The following HSD17B12 variants were observed in gnomAD, a reference collection of about 807,000 sequenced individuals.
The protein encoded by HSD17B12 is hydroxysteroid 17-beta dehydrogenase 12.
Under a neutral mutation model 39.3 loss-of-function variants are expected in HSD17B12, and 32 were observed. The observed-to-expected ratio is 0.81, with a 90% CI of 0.61 to 1.09. The LOEUF is 1.09. Ranked by LOEUF, HSD17B12 falls within the 50% of genes least tolerant of loss-of-function variation. The probability of loss-of-function intolerance (pLI) is 0.00; values close to 1 mark genes in which losing one functional copy is unlikely to be tolerated. For synonymous variants in HSD17B12, 150 were observed against 146.7 expected (o/e 1.02, Z -0.16); for missense variants, 342 against 382.9 (o/e 0.89, Z 0.89).
chr11:43,755,149 G>A (rs1950497842), intron 3 of HSD17B12: 2 of 312,488 alleles, frequency 6.4e-6, no homozygotes, highest in African/African-American at 2.1e-5. Flanking sequence ...TCTGTAAAAT[G>A]ATGAACTATT....
the HSD17B12 span, among the ~76,000 whole-genome samples, chr11:43,603,533 C>T: frequency 6.6e-6 from 1 of 152,070 alleles, no homozygotes; most frequent in Non-Finnish European, 1.5e-5. Context: ...CAGAAGGAGA[C>T]ATGTATGTGC....
chr11:43,630,784 A>G, the HSD17B12 span, among the ~76,000 whole-genome samples: 2 of 151,584 alleles, frequency 1.3e-5, no homozygotes, highest in South Asian at 4.2e-4. Flanking sequence ...AGGTCTTAAT[A>G]GCTTAATAAT....
At chr11:43,786,672 G>A (rs1485714971) in intron 3 of HSD17B12, among the ~76,000 whole-genome samples, 2 of 152,178 alleles carry the variant, frequency 1.3e-5, no homozygotes, top group Non-Finnish European at 2.9e-5. Context: ...CCTGGTTTGA[G>A]ATTATTTCAA....
At chr11:43,719,506 A>T (rs1408510455) in intron 1 of HSD17B12, among the ~76,000 whole-genome samples, 7 of 152,006 alleles carry the variant, frequency 4.6e-5, no homozygotes, top group Admixed American at 4.6e-4. Flanking sequence ...TCAGGCGAGT[A>T]TGGGTTGGCT....
chr11:43,567,489 G>A, the HSD17B12 span, among the ~76,000 whole-genome samples: 3 of 152,220 alleles, frequency 2.0e-5, no homozygotes, highest in African/African-American at 7.2e-5. Context: ...ATTTCTAGTG[G>A]AGAAAAAGCC....
At chr11:43,637,411 G>T in the HSD17B12 span, among the ~76,000 whole-genome samples, 1 of 151,970 alleles carries the variant, frequency 6.6e-6, no homozygotes, top group East Asian at 1.9e-4. Context: ...AGTAGAGCTG[G>T]TATTTCACCA....
intron 1 of HSD17B12, among the ~76,000 whole-genome samples, chr11:43,746,369 T>G (rs1183205461): frequency 1.3e-5 from 2 of 152,210 alleles, no homozygotes. Context: ...AAATTTTATT[T>G]TTTACTTTTT....
chr11:43,721,534 G>T (rs915231000), intron 1 of HSD17B12, among the ~76,000 whole-genome samples: 1 of 151,970 alleles, frequency 6.6e-6, no homozygotes, highest in Non-Finnish European at 1.5e-5. Flanking sequence ...CAGGAGAATC[G>T]CTTGAACCTG....
intron 1 of HSD17B12, among the ~76,000 whole-genome samples, chr11:43,741,757 G>A (rs1344844168): frequency 8.1e-5 from 11 of 135,832 alleles, no homozygotes; most frequent in African/African-American, 3.0e-4. Flanking sequence ...TTTTTGAGAC[G>A]GGGTCTCGCT....
At chr11:43,580,650 T>G in the HSD17B12 span, among the ~76,000 whole-genome samples, 1 of 151,914 alleles carries the variant, frequency 6.6e-6, no homozygotes, top group African/African-American at 2.4e-5. Flanking sequence ...GTCGCTCTCT[T>G]AAACCTCTCT....
At chr11:43,746,178 C>T (rs992083408) in intron 1 of HSD17B12, among the ~76,000 whole-genome samples, 1 of 152,090 alleles carries the variant, frequency 6.6e-6, no homozygotes, top group Admixed American at 6.5e-5. Context: ...AATACTTGGG[C>T]TATACTGAAT....
At chr11:43,658,681 G>T in the HSD17B12 span, among the ~76,000 whole-genome samples, 3 of 152,230 alleles carry the variant, frequency 2.0e-5, no homozygotes, top group Non-Finnish European at 2.9e-5. Context: ...TTTCCTGGGT[G>T]TCAGCAGCGG....
the HSD17B12 span, among the ~76,000 whole-genome samples, chr11:43,663,365 A>G: frequency 6.6e-6 from 1 of 152,062 alleles, no homozygotes; most frequent in East Asian, 1.9e-4. Flanking sequence ...CTCCCAGAGT[A>G]TTGAGATTAC....
chr11:43,782,032 A>G (rs182403803), intron 3 of HSD17B12, among the ~76,000 whole-genome samples: 16 of 152,338 alleles, frequency 1.1e-4, no homozygotes, highest in African/African-American at 3.6e-4. Flanking sequence ...CTACTTTTCA[A>G]TATGCATTTG....
At chr11:43,663,093 T>A in the HSD17B12 span, among the ~76,000 whole-genome samples, 1 of 152,114 alleles carries the variant, frequency 6.6e-6, no homozygotes, top group African/African-American at 2.4e-5. Flanking sequence ...TTAATTTTTA[T>A]TTTTTTGAGA....
intron 1 of HSD17B12, among the ~76,000 whole-genome samples, chr11:43,693,920 G>A (rs534125576): frequency 5.3e-5 from 8 of 152,140 alleles, no homozygotes; most frequent in Non-Finnish European, 7.4e-5. Flanking sequence ...TAATTTTGCC[G>A]TGGAACAGGA....
chr11:43,729,692 A>T (rs1950251317), intron 1 of HSD17B12, among the ~76,000 whole-genome samples: 1 of 152,240 alleles, frequency 6.6e-6, no homozygotes, highest in Non-Finnish European at 1.5e-5. Context: ...TGAAGCTCAC[A>T]GTCATGCTGT....
chr11:43,780,565 G>T (rs572961813), intron 3 of HSD17B12, among the ~76,000 whole-genome samples: 31 of 152,096 alleles, frequency 2.0e-4, no homozygotes, highest in Admixed American at 4.6e-4. Flanking sequence ...GGCTGCTCAG[G>T]ATATCATCTC....
intron 1 of HSD17B12, among the ~76,000 whole-genome samples, chr11:43,737,458 G>A (rs541279633): frequency 5.8e-4 from 88 of 152,326 alleles, no homozygotes; most frequent in Non-Finnish European, 9.8e-4. Flanking sequence ...TGGATGCCAA[G>A]TTGGGCTATT....
Sources: allele counts gnomAD v4.1 joint callset (sites outside exome capture counted in the v4.1 genomes callset), GRCh38; gene constraint gnomAD v4.1.1; transcripts MANE v1.5; gene names NCBI Gene and HGNC (gene_info 2026-07-23, HGNC 2026-07-21).